The following NUBPL variants were observed in gnomAD, a reference collection of about 807,000 sequenced individuals.
NUBPL encodes NUBP iron-sulfur cluster assembly factor, mitochondrial, also known as iron-sulfur cluster transfer protein NUBPL.
A neutral mutation model predicts 45.7 loss-of-function variants in NUBPL; 31 were observed. The ratio of observed to expected loss-of-function variants is 0.68; its 90% CI spans 0.51 to 0.92. The LOEUF is 0.92. Ranked by LOEUF, NUBPL falls within the 40% of genes least tolerant of loss-of-function variation. The pLI, the probability that NUBPL is intolerant of heterozygous loss-of-function variation, is 0.00. For missense variants in NUBPL, 401 were observed against 398.7 expected, an observed-to-expected ratio of 1.01 and a Z score of -0.05; for synonymous variants, 144 against 140.9, an observed-to-expected ratio of 1.02 and a Z score of -0.15.
At chr14:31,610,633 A>AAAAAAAAC in intron 4 of NUBPL, among the ~76,000 whole-genome samples, 1 of 149,432 alleles carries the variant, frequency 6.7e-6, no homozygotes, top group Non-Finnish European at 1.5e-5. Flanking sequence ...AAAAAAAAGA[A>AAAAAAAAC]AGAAAACTGC....
intron 6 of NUBPL, among the ~76,000 whole-genome samples, chr14:31,720,277 C>A (rs1326947939): frequency 6.6e-6 from 1 of 152,312 alleles, no homozygotes; most frequent in Admixed American, 6.5e-5. Context: ...GCAATAATAA[C>A]GTGCATAGCT....
intron 6 of NUBPL, among the ~76,000 whole-genome samples, chr14:31,680,261 A>G (rs1228536038): frequency 1.3e-5 from 2 of 152,126 alleles, no homozygotes; most frequent in African/African-American, 2.4e-5. Flanking sequence ...TACTGCCAGT[A>G]TAATGTTGAA....
At chr14:31,602,955 T>C (rs942586408) in intron 4 of NUBPL, among the ~76,000 whole-genome samples, 11 of 152,186 alleles carry the variant, frequency 7.2e-5, no homozygotes, top group African/African-American at 2.4e-4. Flanking sequence ...TTACTGCTGT[T>C]GTTATTGCAT....
chr14:31,637,832 C>G (rs1313023447), intron 4 of NUBPL, among the ~76,000 whole-genome samples: 2 of 152,152 alleles, frequency 1.3e-5, no homozygotes, highest in Non-Finnish European at 2.9e-5. Context: ...GATCCCTTTA[C>G]CATTACGTAA....
At chr14:31,613,937 G>GAT (rs34880140) in intron 4 of NUBPL, among the ~76,000 whole-genome samples, 5,853 of 149,988 alleles carry the variant, frequency 0.039, 354 homozygotes, top group African/African-American at 0.13. Flanking sequence ...TTCAATAAGA[G>GAT]ATATATATAT....
intron 6 of NUBPL, among the ~76,000 whole-genome samples, chr14:31,718,312 C>G (rs2037733702): frequency 6.6e-6 from 1 of 152,114 alleles, no homozygotes; most frequent in African/African-American, 2.4e-5. Flanking sequence ...AAAAGACTGT[C>G]TTTCTGCCAG....
rs115759594 is a variant in NUBPL at position 31,743,869 on chromosome 14, G to A, written c.514-43911G>A. Reference sequence around the variant, plus strand: ...CGAAGTATTCTGGAAAATAGAAAATGTTGTTTAGTGTTTCTTAGCAGTTAA... The same window carrying A: ...CGAAGTATTCTGGAAAATAGAAAATATTGTTTAGTGTTTCTTAGCAGTTAA... On this transcript the variant is annotated intron_variant, in intron 6 of 10. Transcript: ENST00000281081. Among the ~76,000 whole-genome samples the A allele has an allele frequency of 6.5e-3, 994 of 152,278 alleles. 12 individuals are homozygous for A. Among genetic ancestry groups the A allele is most frequent in the African/African-American group, 0.022 (931 of 41,562 alleles).
intron 6 of NUBPL, among the ~76,000 whole-genome samples, chr14:31,764,744 C>T (rs193295274): frequency 4.0e-4 from 61 of 152,252 alleles, no homozygotes; most frequent in African/African-American, 1.4e-3. Context: ...AAATTTGGTC[C>T]ATTCTCTTAT....
intron 6 of NUBPL, among the ~76,000 whole-genome samples, chr14:31,742,508 A>G (rs1422981693): frequency 1.3e-5 from 2 of 152,172 alleles, no homozygotes; most frequent in Non-Finnish European, 2.9e-5. Context: ...TGCAAGTACC[A>G]TGAAGGTTCT....
In NUBPL at chr14:31,860,776, G is replaced by A. The variant is rs1461695813; in HGVS notation, c.*1596G>A. 1 of 152,102 alleles carries A rather than the reference G, an allele frequency of 6.6e-6. No homozygotes were observed. Among genetic ancestry groups the A allele is most frequent in the Non-Finnish European group, 1.5e-5 (1 of 68,028 alleles). 9.4% of individuals were successfully genotyped at this position (152,102 alleles called of 1,614,324 possible). A position where few individuals can be genotyped will look rare whatever the true frequency, so the allele number is the denominator to read the frequency against. ...TGGGTAAATGATTAAACAAACCATA[G>A]TACATTCATACCGTGAGTGCTACTC... is the stretch of plus-strand genomic sequence containing the variant. On this transcript the variant is annotated 3_prime_UTR_variant, in exon 11 of 11. Coordinates refer to ENST00000281081, the MANE Select transcript of NUBPL (RefSeq NM_025152.3).
intron 6 of NUBPL, among the ~76,000 whole-genome samples, chr14:31,745,719 T>G (rs990605762): frequency 3.3e-5 from 5 of 151,962 alleles, no homozygotes; most frequent in African/African-American, 1.2e-4. Flanking sequence ...ATATTCAGGC[T>G]TATGTACAAG....
chr14:31,739,527 C>T (rs2038238133), intron 6 of NUBPL, among the ~76,000 whole-genome samples: 1 of 152,096 alleles, frequency 6.6e-6, no homozygotes, highest in Non-Finnish European at 1.5e-5. Context: ...GTTTTAGGTT[C>T]ACAGCAAAAC....
intron 6 of NUBPL, among the ~76,000 whole-genome samples, chr14:31,678,262 G>A (rs1168977827): frequency 1.3e-5 from 2 of 152,190 alleles, no homozygotes; most frequent in Non-Finnish European, 2.9e-5. Context: ...AGGGACCTAG[G>A]ACCCCACATG....
chr14:31,677,107 A>G (rs2036718927), intron 6 of NUBPL, among the ~76,000 whole-genome samples: 1 of 152,140 alleles, frequency 6.6e-6, no homozygotes, highest in South Asian at 2.1e-4. Flanking sequence ...TTTGATACAG[A>G]CAGGCACTGA....
intron 10 of NUBPL, among the ~76,000 whole-genome samples, chr14:31,853,064 A>C (rs957992744): frequency 9.3e-6 from 1 of 106,952 alleles, no homozygotes; most frequent in African/African-American, 6.4e-5. Flanking sequence ...TTAGACTGAT[A>C]CTGTTGTGTT....
intron 3 of NUBPL, among the ~76,000 whole-genome samples, chr14:31,597,588 T>G (rs1403821653): frequency 6.6e-6 from 1 of 152,200 alleles, no homozygotes; most frequent in Non-Finnish European, 1.5e-5. Context: ...TAAAAAGCTG[T>G]TATTTTACTT....
At chr14:31,594,022 A>G (rs945176209) in intron 3 of NUBPL, among the ~76,000 whole-genome samples, 1 of 152,166 alleles carries the variant, frequency 6.6e-6, no homozygotes, top group Non-Finnish European at 1.5e-5. Flanking sequence ...AGGCCCAGGA[A>G]TGGCATTATC....
Position 31,603,799 on chromosome 14 carries a change from G to A in NUBPL, c.382+4420G>A, listed in dbSNP as rs988411241. On this transcript the variant is annotated intron_variant, in intron 4 of 10. Transcript: ENST00000281081. ...CATAAACTTGAAAAGCTGTTATTCT[G>A]GTTTCTTTTTCTTGACTTTTTAGTG... 2.0e-5 allele frequency among the ~76,000 whole-genome samples: 3 copies of A among 152,018 alleles called. No individual in the cohort carries two copies. The South Asian group carries it at 6.2e-4, about 32-fold the overall frequency.
At chr14:31,665,393 GT>G (rs1340173883) in intron 4 of NUBPL, among the ~76,000 whole-genome samples, 1 of 152,126 alleles carries the variant, frequency 6.6e-6, no homozygotes, top group African/African-American at 2.4e-5. Flanking sequence ...CACTGCTTTA[GT>G]TGTGTCCCAG....
Sources: gnomAD v4.1 joint callset for allele counts (sites outside exome capture counted in the v4.1 genomes callset) on GRCh38, gnomAD v4.1.1 for gene constraint, MANE v1.5 for transcripts, NCBI Gene and HGNC (gene_info 2026-07-23, HGNC 2026-07-21) for gene names.